Variants in CNGB3 observed in about 807,000 individuals in gnomAD.
CNGB3 encodes the protein cyclic nucleotide-gated channel beta-3.
CNGB3 carries 86 observed loss-of-function variants against 92.8 expected under a neutral mutation model. That is an observed-to-expected ratio of 0.93 (90% CI 0.78 to 1.11). The LOEUF is 1.11. Among genes scored for constraint, CNGB3 ranks in the 50% least tolerant of loss-of-function variants. The pLI, the probability that CNGB3 is intolerant of heterozygous loss-of-function variation, is 0.00. For synonymous variants in CNGB3, 333 were observed against 332.7 expected (o/e 1.00, Z -0.01); for missense variants, 1,026 against 956.8 (o/e 1.07, Z -0.95).
At chr8:86,594,615 G>A (rs1366404337) in intron 15 of CNGB3, 1 of 226,490 alleles carries the variant, frequency 4.4e-6, no homozygotes. Context: ...GCAGGGCAGC[G>A]AGTGTGTCCC....
intron 2 of CNGB3, among the ~76,000 whole-genome samples, chr8:86,735,370 A>G (rs1029073649): frequency 6.6e-6 from 1 of 151,732 alleles, no homozygotes; most frequent in African/African-American, 2.4e-5. Context: ...AAATGGTTGT[A>G]TTTTGTATTT....
intron 2 of CNGB3, among the ~76,000 whole-genome samples, chr8:86,731,151 C>A (rs1825148084): frequency 6.6e-6 from 1 of 152,050 alleles, no homozygotes; most frequent in African/African-American, 2.4e-5. Context: ...AAAGACTTAC[C>A]AATGAATTAA....
At chr8:86,657,951 A>G in intron 6 of CNGB3, 3 of 552,066 alleles carry the variant, frequency 5.4e-6, no homozygotes. Context: ...CCTCCCCCTC[A>G]CTGATGACGT....
intron 11 of CNGB3, among the ~76,000 whole-genome samples, chr8:86,632,286 G>A (rs566186429): frequency 5.3e-4 from 80 of 150,426 alleles, no homozygotes; most frequent in Admixed American, 1.1e-3. Flanking sequence ...TTTCTTACTA[G>A]ACTGACTTTT....
chr8:86,702,155 A>G (rs1273041831), intron 3 of CNGB3, among the ~76,000 whole-genome samples: 2 of 152,200 alleles, frequency 1.3e-5, no homozygotes, highest in Non-Finnish European at 2.9e-5. Flanking sequence ...TAAGGCATTA[A>G]GAGGCAAACA....
At chr8:86,606,720 A>T (rs537788781) in intron 14 of CNGB3, among the ~76,000 whole-genome samples, 2 of 152,352 alleles carry the variant, frequency 1.3e-5, no homozygotes, top group South Asian at 4.1e-4. Flanking sequence ...ATCCGAGTGA[A>T]GTCAAGTAGG....
Position 86,636,847 on chromosome 8 carries a change from C to T in CNGB3, c.1179-3954G>A, listed in dbSNP as rs140669370. On this transcript the variant is annotated intron_variant, in intron 10 of 17. Transcript: ENST00000320005. Reference sequence around the variant, plus strand: ...ACAAGTGAGGTCATATGAGGTCAGACGGTATTTCTCTTTCTGTGTCTTGTT... The same window carrying T: ...ACAAGTGAGGTCATATGAGGTCAGATGGTATTTCTCTTTCTGTGTCTTGTT... Among the ~76,000 whole-genome samples the T allele has an allele frequency of 6.9e-3, 1,043 of 152,166 alleles. 50 individuals carry two copies. Among genetic ancestry groups the T allele is most frequent in the Admixed American group, 0.057 (876 of 15,274 alleles).
intron 3 of CNGB3, among the ~76,000 whole-genome samples, chr8:86,691,503 T>G (rs1357275221): frequency 2.0e-5 from 3 of 152,230 alleles, no homozygotes; most frequent in Non-Finnish European, 4.4e-5. Context: ...ATGTTGGCTA[T>G]GGGTTTGTCA....
intron 14 of CNGB3, among the ~76,000 whole-genome samples, chr8:86,608,233 G>A (rs1223344189): frequency 6.6e-6 from 1 of 152,140 alleles, no homozygotes; most frequent in Non-Finnish European, 1.5e-5. Flanking sequence ...CATAACCTAG[G>A]GAAAACCAGG....
At position 86,579,255 on chromosome 8, in the gene CNGB3, G is replaced by A. The variant is rs1006110512; in HGVS notation, c.1782-3C>T. On this transcript the variant is annotated splice_region_variant and splice_polypyrimidine_tract_variant and intron_variant, in intron 15 of 17. Coordinates refer to ENST00000320005, the MANE Select transcript of CNGB3 (RefSeq NM_019098.5). ...TTCCTCCTCCTGCTGCTAGAAGGCT[G>A]TAAGAGAGAAAAATGAGTCTTTGCC... 7 of 1,613,724 alleles carry A rather than the reference G, an allele frequency of 4.3e-6. No individual in the cohort carries two copies. The highest frequency in any genetic ancestry group is 1.6e-4 in the Middle Eastern group (1 of 6,080).
chr8:86,687,080 A>G (rs1422424354), intron 3 of CNGB3, among the ~76,000 whole-genome samples: 3 of 152,028 alleles, frequency 2.0e-5, no homozygotes, highest in Admixed American at 2.0e-4. Flanking sequence ...ACCATCCAGG[A>G]GTACCACTTC....
intron 3 of CNGB3, among the ~76,000 whole-genome samples, chr8:86,714,620 A>G (rs1429852117): frequency 6.6e-6 from 1 of 152,178 alleles, no homozygotes; most frequent in Non-Finnish European, 1.5e-5. Context: ...TGCCACAGGA[A>G]CATATCAGGA....
At chr8:86,591,434 A>G (rs1253302866) in intron 15 of CNGB3, among the ~76,000 whole-genome samples, 2 of 151,216 alleles carry the variant, frequency 1.3e-5, no homozygotes, top group African/African-American at 2.4e-5. Context: ...TAGAGTTTCC[A>G]GTTTTTCTGT....
At chr8:86,594,076 T>C (rs1822113507) in intron 15 of CNGB3, 1 of 326,330 alleles carries the variant, frequency 3.1e-6, no homozygotes, top group Admixed American at 3.9e-5. Context: ...TTTTGTGCTG[T>C]ATCCAGGATC....
chr8:86,726,118 A>G (rs901173032), intron 3 of CNGB3, among the ~76,000 whole-genome samples: 1 of 152,220 alleles, frequency 6.6e-6, no homozygotes, highest in South Asian at 2.1e-4. Context: ...ATAAAAGGAA[A>G]TAATAATTAA....
At chr8:86,693,860 C>A (rs1041682653) in intron 3 of CNGB3, among the ~76,000 whole-genome samples, 4 of 152,172 alleles carry the variant, frequency 2.6e-5, no homozygotes, top group African/African-American at 9.7e-5. Context: ...TACACAGACA[C>A]GGCAACCATC....
intron 4 of CNGB3, among the ~76,000 whole-genome samples, chr8:86,669,393 A>G (rs996472680): frequency 2.0e-5 from 3 of 152,258 alleles, no homozygotes; most frequent in Non-Finnish European, 4.4e-5. Context: ...AATATGTAAC[A>G]GGTTTAAAGC....
chr8:86,618,352 A>G (rs17683923), intron 13 of CNGB3, among the ~76,000 whole-genome samples: 2,589 of 152,328 alleles, frequency 0.017, 35 homozygotes, highest in Middle Eastern at 0.037. Flanking sequence ...CCACAGGAAG[A>G]ATCTGATTTT....
intron 7 of CNGB3, among the ~76,000 whole-genome samples, chr8:86,652,786 G>C (rs1823432107): frequency 6.6e-6 from 1 of 151,968 alleles, no homozygotes; most frequent in Non-Finnish European, 1.5e-5. Flanking sequence ...CCTCCTGAAA[G>C]ATTTGCCTGA....
Sources: gnomAD v4.1 joint callset for allele counts (sites outside exome capture counted in the v4.1 genomes callset) on GRCh38, gnomAD v4.1.1 for gene constraint, MANE v1.5 for transcripts, NCBI Gene and HGNC (gene_info 2026-07-23, HGNC 2026-07-21) for gene names.